The following CTNND2 variants were observed in gnomAD, a reference collection of about 807,000 sequenced individuals.
CTNND2 encodes the protein catenin delta-2.
Under a neutral mutation model 144.4 loss-of-function variants are expected in CTNND2, and 22 were observed. The ratio of observed to expected loss-of-function variants is 0.15; its 90% confidence interval spans 0.11 to 0.22. The LOEUF (loss-of-function observed/expected upper bound fraction) is 0.22. Among genes scored for constraint, CTNND2 ranks in the 10% least tolerant of loss-of-function variants. The probability of loss-of-function intolerance (pLI) is 1.00; values close to 1 mark genes in which losing one functional copy is unlikely to be tolerated. For missense variants in CTNND2, 1,353 were observed against 1,618.8 expected (o/e 0.84, Z 2.82); for synonymous variants, 751 against 695.6 (o/e 1.08, Z -1.25).
At chr5:11,684,785 T>C (rs923227142) in intron 2 of CTNND2, among the ~76,000 whole-genome samples, 1 of 152,216 alleles carries the variant, frequency 6.6e-6, no homozygotes. Context: ...CTAAGTCATC[T>C]CAGCTGTACT....
chr5:11,511,180 G>A (rs1184037018), intron 3 of CTNND2, among the ~76,000 whole-genome samples: 1 of 152,146 alleles, frequency 6.6e-6, no homozygotes, highest in Non-Finnish European at 1.5e-5. Context: ...CAGCATTTCT[G>A]TCATGCTTTC....
intron 2 of CTNND2, among the ~76,000 whole-genome samples, chr5:11,682,989 TG>T (rs1784487586): frequency 6.6e-6 from 1 of 152,248 alleles, no homozygotes; most frequent in Non-Finnish European, 1.5e-5. Context: ...CTAAATTTAT[TG>T]GAACAGAATA....
At chr5:11,080,225 T>C (rs560244811) in intron 16 of CTNND2, among the ~76,000 whole-genome samples, 6 of 152,050 alleles carry the variant, frequency 3.9e-5, no homozygotes, top group Non-Finnish European at 7.4e-5. Flanking sequence ...TGAAGAAAGG[T>C]TCAATATCAC....
intron 12 of CTNND2, among the ~76,000 whole-genome samples, chr5:11,130,536 G>A (rs1306634396): frequency 6.6e-6 from 1 of 152,192 alleles, no homozygotes; most frequent in African/African-American, 2.4e-5. Context: ...TCTATGAAAT[G>A]TCTGCTGAAA....
intron 12 of CTNND2, among the ~76,000 whole-genome samples, chr5:11,150,872 C>A (rs994000902): frequency 4.6e-5 from 7 of 152,058 alleles, no homozygotes; most frequent in Non-Finnish European, 1.0e-4. Flanking sequence ...GTGATCCACC[C>A]GCCTTGGCCT....
At chr5:11,502,517 C>T (rs1331192415) in intron 3 of CTNND2, among the ~76,000 whole-genome samples, 1 of 152,266 alleles carries the variant, frequency 6.6e-6, no homozygotes. Context: ...AAATATGATA[C>T]TTAAATAAAT....
rs375398618 is a variant in CTNND2, at chr5:11,082,764, C to T, written c.2720G>A (p.Arg907His). ...CGCAGTGGCCACCGCGCACACCACACGGTCATTGTCTATTCGGAGCAGCTC... is the reference window on the plus strand; with the variant it reads ...CGCAGTGGCCACCGCGCACACCACATGGTCATTGTCTATTCGGAGCAGCTC... Reference protein sequence around the residue: ...LVELLRIDNDRVVCAVATALR... With the variant: ...LVELLRIDNDHVVCAVATALR... The change falls in exon 16 of 22, where the codon CGT (arginine) becomes CAT (histidine). Residue 907 changes from arginine (R) to histidine (H), a missense_variant. By Grantham distance (29) the Arg-to-His change is conservative. Around this residue, in one of 4 missense-constraint regions of CTNND2, gnomAD observed 459 missense variants for 674.3 expected, o/e 0.68. Transcript: ENST00000304623. 40 of 1,614,062 alleles carry T rather than the reference C, an allele frequency of 2.5e-5. No homozygotes were observed. The highest frequency in any genetic ancestry group is 3.1e-5 in the Non-Finnish European group (36 of 1,180,040).
chr5:11,663,784 C>A (rs1212469440), intron 2 of CTNND2, among the ~76,000 whole-genome samples: 1 of 151,884 alleles, frequency 6.6e-6, no homozygotes, highest in South Asian at 2.1e-4. Flanking sequence ...AAAATAAGTA[C>A]AATAAGGTGT....
intron 14 of CTNND2, among the ~76,000 whole-genome samples, chr5:11,107,738 C>A (rs945300750): frequency 6.6e-6 from 1 of 152,172 alleles, no homozygotes; most frequent in Admixed American, 6.5e-5. Context: ...GAGATAAATG[C>A]AGCACTGTCA....
At chr5:11,561,772 TGGCTCATGCCTGTA>T (rs1776701653) in intron 3 of CTNND2, among the ~76,000 whole-genome samples, 1 of 152,202 alleles carries the variant, frequency 6.6e-6, no homozygotes, top group South Asian at 2.1e-4. Context: ...CTGGGTACAG[TGGCTCATGCCTGTA>T]GTCCCAGCAC....
chr5:11,301,051 G>T (rs1269483545), intron 9 of CTNND2, among the ~76,000 whole-genome samples: 1 of 151,988 alleles, frequency 6.6e-6, no homozygotes. Flanking sequence ...GCATGGGCTG[G>T]GCTGGGCTGG....
At chr5:11,610,284 T>C (rs1297514177) in intron 2 of CTNND2, among the ~76,000 whole-genome samples, 2 of 152,190 alleles carry the variant, frequency 1.3e-5, no homozygotes, top group East Asian at 1.9e-4. Context: ...GGAAATAACA[T>C]TGAAAAGCTT....
intron 2 of CTNND2, among the ~76,000 whole-genome samples, chr5:11,626,665 C>T (rs1781172154): frequency 1.3e-5 from 2 of 152,238 alleles, no homozygotes; most frequent in African/African-American, 4.8e-5. Context: ...GCAAAGACAG[C>T]AAAATTAACA....
chr5:11,423,148 T>C (rs567066573), intron 3 of CTNND2, among the ~76,000 whole-genome samples: 2 of 152,338 alleles, frequency 1.3e-5, no homozygotes, highest in African/African-American at 4.8e-5. Flanking sequence ...AGTTGACCGA[T>C]AGGTCTTATA....
intron 16 of CTNND2, among the ~76,000 whole-genome samples, chr5:11,055,164 G>T (rs1580156709): frequency 6.6e-6 from 1 of 152,204 alleles, no homozygotes; most frequent in African/African-American, 2.4e-5. Context: ...ATGAACCAGG[G>T]TTAAGGACGT....
chr5:11,616,997 A>G (rs1024200639), intron 2 of CTNND2, among the ~76,000 whole-genome samples: 6 of 152,114 alleles, frequency 3.9e-5, no homozygotes, highest in Admixed American at 2.6e-4. Flanking sequence ...GTAAGGATTT[A>G]TTCCTTTGCA....
intron 1 of CTNND2, among the ~76,000 whole-genome samples, chr5:11,872,164 G>A (rs1735190183): frequency 6.6e-6 from 1 of 151,954 alleles, no homozygotes; most frequent in Non-Finnish European, 1.5e-5. Flanking sequence ...TTAGTTTTCT[G>A]AGAATGATGG....
intron 2 of CTNND2, among the ~76,000 whole-genome samples, chr5:11,597,906 G>C (rs979097842): frequency 6.6e-6 from 1 of 152,194 alleles, no homozygotes; most frequent in Non-Finnish European, 1.5e-5. Context: ...AAGATAAGTA[G>C]AGCTGGTATT....
At chr5:11,373,165 G>A (rs1235379783) in intron 7 of CTNND2, among the ~76,000 whole-genome samples, 1 of 152,230 alleles carries the variant, frequency 6.6e-6, no homozygotes, top group East Asian at 1.9e-4. Context: ...CCCACACCAG[G>A]GGGACTTCAA....
Sources: allele counts gnomAD v4.1 joint callset (sites outside exome capture counted in the v4.1 genomes callset), GRCh38; gene constraint gnomAD v4.1.1; regional missense constraint gnomAD v4.1.1; transcripts MANE v1.5; gene names NCBI Gene and HGNC (gene_info 2026-07-23, HGNC 2026-07-21).